SORCS2: variants seen among roughly 807,000 people sequenced by gnomAD.
SORCS2 encodes the protein sortilin related VPS10 domain containing receptor 2.
A neutral mutation model predicts 141.6 loss-of-function variants in SORCS2; 100 were observed. The ratio of observed to expected loss-of-function variants is 0.71; its 90% confidence interval spans 0.60 to 0.83. SORCS2 has a LOEUF of 0.83. Among genes scored for constraint, SORCS2 ranks in the 40% least tolerant of loss-of-function variants. SORCS2 has a pLI of 0.00. For synonymous variants in SORCS2, 789 were observed against 676.9 expected, an observed-to-expected ratio of 1.17 and a Z score of -2.57; for missense variants, 1,646 against 1,560.2, an observed-to-expected ratio of 1.05 and a Z score of -0.93.
At chr4:7,281,307 G>T (rs1715862537) in intron 1 of SORCS2, among the ~76,000 whole-genome samples, 1 of 152,128 alleles carries the variant, frequency 6.6e-6, no homozygotes, top group African/African-American at 2.4e-5. Context: ...ATCTCCGCTT[G>T]TCGGTGATGG....
chr4:7,303,412 C>A (rs1717572670), intron 1 of SORCS2, among the ~76,000 whole-genome samples: 1 of 152,186 alleles, frequency 6.6e-6, no homozygotes, highest in Non-Finnish European at 1.5e-5. Flanking sequence ...CCGTCTCATC[C>A]CTTTTTGCTG....
At chr4:7,242,326 C>A (rs1712757224) in intron 1 of SORCS2, among the ~76,000 whole-genome samples, 1 of 152,124 alleles carries the variant, frequency 6.6e-6, no homozygotes, top group South Asian at 2.1e-4. Context: ...TCCTGAGTAG[C>A]TGCAACTACA....
intron 2 of SORCS2, among the ~76,000 whole-genome samples, chr4:7,510,746 C>T (rs115059624): frequency 0.17 from 8,129 of 48,414 alleles, 714 homozygotes; most frequent in African/African-American, 0.38. Context: ...ACGTGCTGTT[C>T]GCCTTCCCAG....
chr4:7,434,500 T>A, intron 2 of SORCS2: 1 of 1,612,402 alleles, frequency 6.2e-7, no homozygotes, highest in Non-Finnish European at 8.5e-7. Context: ...CGGGGCACTG[T>A]CCGGGGCCCC....
At chr4:7,406,080 C>T (rs1018958550) in intron 2 of SORCS2, among the ~76,000 whole-genome samples, 1 of 151,974 alleles carries the variant, frequency 6.6e-6, no homozygotes, top group African/African-American at 2.4e-5. Context: ...TCATTGTATC[C>T]TTGGTACAAA....
chr4:7,312,788 A>G (rs1336673643), intron 1 of SORCS2, among the ~76,000 whole-genome samples: 1 of 152,196 alleles, frequency 6.6e-6, no homozygotes, highest in Non-Finnish European at 1.5e-5. Context: ...ACTGCAGTTC[A>G]GGAGGAGGTC....
At chr4:7,621,475 CTGTGTG>C (rs956098892) in intron 3 of SORCS2, among the ~76,000 whole-genome samples, 2 of 143,472 alleles carry the variant, frequency 1.4e-5, no homozygotes, top group Non-Finnish European at 3.0e-5. Context: ...ATGTGTGTGT[CTGTGTG>C]TGTTTATATG....
intron 3 of SORCS2, among the ~76,000 whole-genome samples, chr4:7,533,679 AAG>A (rs1711854410): frequency 6.6e-6 from 1 of 152,252 alleles, no homozygotes; most frequent in Non-Finnish European, 1.5e-5. Flanking sequence ...TAACGGAACC[AAG>A]AGAGACTCTG....
chr4:7,735,614 G>A (rs4689846), intron 25 of SORCS2, among the ~76,000 whole-genome samples: 19,259 of 151,390 alleles, frequency 0.13, 1,288 homozygotes, highest in East Asian at 0.18. Context: ...AGGAGTCTGT[G>A]GGGCAAAGAA....
At chr4:7,621,903 C>G (rs1179827855) in intron 3 of SORCS2, among the ~76,000 whole-genome samples, 1 of 152,140 alleles carries the variant, frequency 6.6e-6, no homozygotes, top group East Asian at 1.9e-4. Flanking sequence ...TGCTGCTGCC[C>G]AGCTATGATG....
At chr4:7,521,990 C>A (rs1432020148) in intron 2 of SORCS2, among the ~76,000 whole-genome samples, 1 of 152,230 alleles carries the variant, frequency 6.6e-6, no homozygotes, top group African/African-American at 2.4e-5. Context: ...ACAGGCAGTG[C>A]CACCTGCCCA....
At chr4:7,726,637 C>A in intron 20 of SORCS2, 143 bp from the exon 21 acceptor site, 1 of 1,080,872 alleles carries the variant, frequency 9.3e-7, no homozygotes, top group South Asian at 1.7e-5. Flanking sequence ...GTGCTGCCAC[C>A]ACAGGATGTC....
intron 1 of SORCS2, among the ~76,000 whole-genome samples, chr4:7,373,529 C>T (rs1722416029): frequency 8.3e-6 from 1 of 119,790 alleles, no homozygotes; most frequent in Non-Finnish European, 1.6e-5. Flanking sequence ...CGCTCTGTCA[C>T]CCTGGAATGC....
intron 3 of SORCS2, among the ~76,000 whole-genome samples, chr4:7,545,675 C>T (rs1001040453): frequency 6.6e-6 from 1 of 152,204 alleles, no homozygotes; most frequent in Non-Finnish European, 1.5e-5. Context: ...CACCCCGCTG[C>T]ATCAGCAGAC....
In SORCS2 at chr4:7,339,117, G is replaced by A. The variant is rs75694719; in HGVS notation, c.481-57171G>A. ...TCGCCGTGGCCTGGATGTGAACTGT[G>A]GCCCGTGAGGGTGGGGACAGGAGGG... On this transcript the variant is annotated intron_variant, in intron 1 of 26. Transcript: ENST00000507866. Among the ~76,000 whole-genome samples, 117 of 152,360 alleles carry A rather than the reference G, an allele frequency of 7.7e-4. 1 individual carries two copies. In the East Asian group the frequency reaches 0.017, roughly 22 times the overall value.
chr4:7,327,872 C>A (rs142856281), intron 1 of SORCS2, among the ~76,000 whole-genome samples: 1 of 151,100 alleles, frequency 6.6e-6, no homozygotes, highest in Non-Finnish European at 1.5e-5. Context: ...GCTGTCCTGG[C>A]CAGGGCATTT....
chr4:7,391,151 A>T (rs1434897527), intron 1 of SORCS2, among the ~76,000 whole-genome samples: 1 of 152,102 alleles, frequency 6.6e-6, no homozygotes, highest in Non-Finnish European at 1.5e-5. Context: ...TTTTATTTTA[A>T]TCCATCTGAG....
chr4:7,259,591 C>T (rs1452069399), intron 1 of SORCS2, among the ~76,000 whole-genome samples: 1 of 152,194 alleles, frequency 6.6e-6, no homozygotes, highest in African/African-American at 2.4e-5. Context: ...TCTTGCTCCT[C>T]ATGCCCTGTC....
At chr4:7,527,936 G>A (rs1169808789) in intron 2 of SORCS2, among the ~76,000 whole-genome samples, 3 of 152,136 alleles carry the variant, frequency 2.0e-5, no homozygotes, top group Admixed American at 6.5e-5. Context: ...TCAGTTTGAT[G>A]TTCCCCTTAG....
Sources: allele counts gnomAD v4.1 joint callset (sites outside exome capture counted in the v4.1 genomes callset), GRCh38; gene constraint gnomAD v4.1.1; transcripts MANE v1.5; gene names NCBI Gene and HGNC (gene_info 2026-07-23, HGNC 2026-07-21).